The following LDLRAD4 variants were observed in gnomAD, a reference collection of about 807,000 sequenced individuals.
LDLRAD4 encodes low density lipoprotein receptor class A domain containing 4.
A neutral mutation model predicts 17.0 loss-of-function variants in LDLRAD4; 5 were observed. The observed-to-expected ratio is 0.29, with a 90% confidence interval of 0.15 to 0.62. The LOEUF (loss-of-function observed/expected upper bound fraction) is 0.62. Ranked by LOEUF, LDLRAD4 falls within the 20% of genes least tolerant of loss-of-function variation. LDLRAD4 has a pLI of 0.84. For missense variants in LDLRAD4, 340 were observed against 424.7 expected, an observed-to-expected ratio of 0.80 and a Z score of 1.75; for synonymous variants, 168 against 171.8, an observed-to-expected ratio of 0.98 and a Z score of 0.17.
chr18:13,467,820 G>T (rs887921523), intron 3 of LDLRAD4, among the ~76,000 whole-genome samples: 3 of 152,218 alleles, frequency 2.0e-5, no homozygotes, highest in African/African-American at 7.2e-5. Flanking sequence ...TGAGAGTCCG[G>T]ACATCCACAC....
At chr18:13,527,545 T>A (rs1246958039) in intron 3 of LDLRAD4, among the ~76,000 whole-genome samples, 1 of 152,200 alleles carries the variant, frequency 6.6e-6, no homozygotes, top group African/African-American at 2.4e-5. Context: ...TGTGAGCCTC[T>A]CCCCAGCCTG....
chr18:13,280,706 G>T lies in LDLRAD4; in HGVS notation c.-383+2518G>T, dbSNP rs141478675. On this transcript the variant is annotated intron_variant, in intron 1 of 5. Coordinates refer to ENST00000359446, the Ensembl canonical transcript of LDLRAD4. Reference sequence around the variant, plus strand: ...GCAACCTCAGACTGAGATCTGGCTGGCTGTCAGCACAGACTGGAAAGGTGC... The same window carrying T: ...GCAACCTCAGACTGAGATCTGGCTGTCTGTCAGCACAGACTGGAAAGGTGC... Among the ~76,000 whole-genome samples the T allele has an allele frequency of 2.6e-3, 395 of 152,322 alleles. 2 individuals carry two copies. Among genetic ancestry groups the T allele is most frequent in the African/African-American group, 8.5e-3 (354 of 41,566 alleles).
At chr18:13,493,346 A>G (rs1344207718) in intron 3 of LDLRAD4, among the ~76,000 whole-genome samples, 1 of 152,166 alleles carries the variant, frequency 6.6e-6, no homozygotes, top group Non-Finnish European at 1.5e-5. Context: ...TGACAGTTCT[A>G]TGTAAAACAT....
intron 1 of LDLRAD4, among the ~76,000 whole-genome samples, chr18:13,297,050 T>C (rs749373202): frequency 2.0e-5 from 3 of 152,214 alleles, no homozygotes; most frequent in Non-Finnish European, 2.9e-5. Flanking sequence ...CGGGAGATGG[T>C]GTTCATGAGA....
chr18:13,442,000 T>A (rs2091054944), intron 3 of LDLRAD4, among the ~76,000 whole-genome samples: 1 of 152,240 alleles, frequency 6.6e-6, no homozygotes, highest in Non-Finnish European at 1.5e-5. Context: ...GGAAATATGC[T>A]GTCAGCCTAA....
intron 1 of LDLRAD4, among the ~76,000 whole-genome samples, chr18:13,259,776 G>A (rs1014066429): frequency 7.0e-6 from 1 of 143,308 alleles, no homozygotes; most frequent in Non-Finnish European, 1.5e-5. Context: ...AGCCACCCAC[G>A]GCTGCTTTGA....
intron 2 of LDLRAD4, among the ~76,000 whole-genome samples, chr18:13,403,518 T>C (rs2087420151): frequency 6.6e-6 from 1 of 152,212 alleles, no homozygotes; most frequent in Non-Finnish European, 1.5e-5. Context: ...AGTTCCTGCA[T>C]TGTGAAACCC....
chr18:13,297,084 A>T (rs1220648780), intron 1 of LDLRAD4, among the ~76,000 whole-genome samples: 1 of 152,200 alleles, frequency 6.6e-6, no homozygotes, highest in East Asian at 1.9e-4. Context: ...CATGGTGCAC[A>T]GTTCACGACT....
intron 3 of LDLRAD4, chr18:13,542,468 A>T (rs1474938871): frequency 6.5e-6 from 1 of 152,856 alleles, no homozygotes; most frequent in East Asian, 1.9e-4. Flanking sequence ...CTGGTAAGCC[A>T]TCCCCGACCT....
At chr18:13,255,201 C>T (rs896995700) in intron 1 of LDLRAD4, among the ~76,000 whole-genome samples, 1 of 152,196 alleles carries the variant, frequency 6.6e-6, no homozygotes, top group Admixed American at 6.5e-5. Context: ...CCCGCCCCCC[C>T]CAGCCCCGGG....
intron 1 of LDLRAD4, among the ~76,000 whole-genome samples, chr18:13,227,807 G>A (rs986201453): frequency 1.3e-5 from 2 of 152,150 alleles, no homozygotes; most frequent in Admixed American, 6.5e-5. Flanking sequence ...AGAACAGCAC[G>A]GGGGAACCAC....
At chr18:13,349,740 C>T (rs940244400) in intron 1 of LDLRAD4, among the ~76,000 whole-genome samples, 1 of 152,090 alleles carries the variant, frequency 6.6e-6, no homozygotes. Flanking sequence ...AGGTTTTAAG[C>T]CCCGCATGCA....
chr18:13,391,336 T>C (rs1019023987), intron 2 of LDLRAD4, among the ~76,000 whole-genome samples: 1 of 152,118 alleles, frequency 6.6e-6, no homozygotes, highest in Non-Finnish European at 1.5e-5. Context: ...GCCATGAAGC[T>C]GCGTTTGTTT....
intron 1 of LDLRAD4, among the ~76,000 whole-genome samples, chr18:13,368,292 AAG>A: frequency 6.6e-6 from 1 of 152,062 alleles, no homozygotes; most frequent in Non-Finnish European, 1.5e-5. Flanking sequence ...AAGAAGGAAC[AAG>A]AGAGGAAGAA....
chr18:13,286,986 G>A (rs1405171448), intron 1 of LDLRAD4, among the ~76,000 whole-genome samples: 2 of 152,198 alleles, frequency 1.3e-5, no homozygotes, highest in African/African-American at 4.8e-5. Context: ...CAGCCTAGGA[G>A]GTGGCGCTCA....
At chr18:13,617,819 C>T (rs1749577644) in intron 3 of LDLRAD4, among the ~76,000 whole-genome samples, 1 of 152,148 alleles carries the variant, frequency 6.6e-6, no homozygotes. Context: ...AGATTGTCAC[C>T]AGTTAAAAGG....
At chr18:13,405,994 A>C (rs1025891040) in intron 2 of LDLRAD4, among the ~76,000 whole-genome samples, 2 of 152,216 alleles carry the variant, frequency 1.3e-5, no homozygotes, top group African/African-American at 2.4e-5. Context: ...TTCCACGGTG[A>C]TTCTTCCTGT....
At chr18:13,562,261 A>C (rs1195018121) in intron 3 of LDLRAD4, among the ~76,000 whole-genome samples, 2 of 152,136 alleles carry the variant, frequency 1.3e-5, no homozygotes, top group Admixed American at 1.3e-4. Context: ...TGGTAGAGGG[A>C]CTGTCATGGA....
chr18:13,328,656 T>C (rs77902854), intron 1 of LDLRAD4, among the ~76,000 whole-genome samples: 2,443 of 152,354 alleles, frequency 0.016, 79 homozygotes, highest in African/African-American at 0.056. Context: ...GGCTATCTTA[T>C]ATGATTGTCA....
Sources: gnomAD v4.1 joint callset for allele counts (sites outside exome capture counted in the v4.1 genomes callset) on GRCh38, gnomAD v4.1.1 for gene constraint, MANE v1.5 for transcripts, NCBI Gene and HGNC (gene_info 2026-07-23, HGNC 2026-07-21) for gene names.